ACSL4: variants seen among roughly 807,000 people sequenced by gnomAD.
ACSL4 encodes the protein acyl-CoA synthetase long chain family member 4.
Under a neutral mutation model 49.1 loss-of-function variants are expected in ACSL4, and 9 were observed. The ratio of observed to expected loss-of-function variants is 0.18; its 90% CI spans 0.11 to 0.32. The LOEUF (loss-of-function observed/expected upper bound fraction) is 0.32, where lower values mean the gene tolerates loss of function less well. Ranked by LOEUF, ACSL4 falls within the 10% of genes least tolerant of loss-of-function variation. ACSL4 has a pLI of 1.00. For missense variants in ACSL4, 333 were observed against 493.7 expected (o/e 0.67, Z 3.08); for synonymous variants, 191 against 170.3 (o/e 1.12, Z -0.95).
At chrX:109,712,811 C>G (rs1243869988) in intron 1 of ACSL4, among the ~76,000 whole-genome samples, 1 of 110,579 alleles carries the variant, frequency 9.0e-6, no homozygotes, top group Non-Finnish European at 1.9e-5. Context: ...CTTGTCTGTA[C>G]AAAAATTTGC....
At chrX:109,724,850 T>G (rs1927845729) in intron 1 of ACSL4, among the ~76,000 whole-genome samples, 1 of 110,168 alleles carries the variant, frequency 9.1e-6, no homozygotes, top group African/African-American at 3.3e-5. Flanking sequence ...AGACGGAGGT[T>G]GTAGTGAGCC....
intron 15 of ACSL4, among the ~76,000 whole-genome samples, chrX:109,657,961 A>G (rs1400880810): frequency 2.7e-5 from 3 of 111,619 alleles, no homozygotes; most frequent in Non-Finnish European, 5.6e-5. Flanking sequence ...CATTTCTCTG[A>G]TGGCCAGTGA....
At chrX:109,726,701 C>T (rs1214405424) in intron 1 of ACSL4, among the ~76,000 whole-genome samples, 2 of 111,082 alleles carry the variant, frequency 1.8e-5, no homozygotes, top group African/African-American at 6.5e-5. Flanking sequence ...TTTTTTGAGA[C>T]AGGGTCTCGC....
chrX:109,714,591 C>T (rs994048200), intron 1 of ACSL4, among the ~76,000 whole-genome samples: 4 of 111,579 alleles, frequency 3.6e-5, no homozygotes, highest in African/African-American at 1.3e-4. Flanking sequence ...ATAGCTGAAC[C>T]ATTTTATCAT....
At chrX:109,646,167 A>G (rs1401185370) in intron 15 of ACSL4, among the ~76,000 whole-genome samples, 2 of 111,184 alleles carry the variant, frequency 1.8e-5, no homozygotes, top group African/African-American at 6.6e-5. Flanking sequence ...GGAAATACAG[A>G]GAATGCCACA....
At chrX:109,707,145 C>T (rs1321373882) in intron 1 of ACSL4, among the ~76,000 whole-genome samples, 7 of 111,617 alleles carry the variant, frequency 6.3e-5, no homozygotes, top group African/African-American at 2.3e-4. Flanking sequence ...AAATATGGTC[C>T]GTTTAGACAA....
At chrX:109,656,803 A>G (rs1337398751) in intron 15 of ACSL4, among the ~76,000 whole-genome samples, 1 of 111,366 alleles carries the variant, frequency 9.0e-6, no homozygotes, top group Non-Finnish European at 1.9e-5. Context: ...AAAAGAAAAA[A>G]AAAAAGCCTA....
intron 15 of ACSL4, among the ~76,000 whole-genome samples, chrX:109,647,342 T>G (rs1934764613): frequency 8.9e-6 from 1 of 111,778 alleles, no homozygotes; most frequent in Non-Finnish European, 1.9e-5. Context: ...CACAGTGCAA[T>G]CAAACTAGAA....
intron 15 of ACSL4, among the ~76,000 whole-genome samples, chrX:109,646,789 G>C (rs1191895217): frequency 6.3e-5 from 7 of 110,343 alleles, no homozygotes; most frequent in Non-Finnish European, 1.3e-4. Context: ...CTCACGTGCA[G>C]AGACACACAT....
At chrX:109,729,899 G>A (rs1292152091) in intron 1 of ACSL4, among the ~76,000 whole-genome samples, 1 of 112,172 alleles carries the variant, frequency 8.9e-6, no homozygotes, top group Admixed American at 9.5e-5. Context: ...AAGCATTTTT[G>A]AAATGACAAA....
chrX:109,719,783 C>T (rs960347702), intron 1 of ACSL4, among the ~76,000 whole-genome samples: 2 of 109,415 alleles, frequency 1.8e-5, no homozygotes, highest in African/African-American at 3.3e-5. Flanking sequence ...GTCGGGAGTT[C>T]GGGAGTTCGA....
rs141844221 is a variant in ACSL4, at chrX:109,662,369, C to T, written c.1583-724G>A. On this transcript the variant is annotated intron_variant, in intron 13 of 15. Coordinates refer to ENST00000672401, the MANE Select transcript of ACSL4 (RefSeq NM_001318510.2). ...ATTGTTTCTCAACTGAACCATGGTT[C>T]CTGGTTCAAATTTCTAGATGAAGAA... Among the ~76,000 whole-genome samples, 783 of 111,084 alleles carry T rather than the reference C, an allele frequency of 7.0e-3. 9 individuals carry two copies. The highest frequency in any genetic ancestry group is 0.024 in the African/African-American group (732 of 30,557).
Position 109,662,451 on chromosome X carries a change from G to A in ACSL4, c.1582+760C>T, listed in dbSNP as rs188089868. Among the ~76,000 whole-genome samples the A allele has an allele frequency of 2.3e-3, 258 of 111,248 alleles. 3 individuals are homozygous for A. The highest frequency in any genetic ancestry group is 4.3e-3 in the Non-Finnish European group (225 of 52,908). On this transcript the variant is annotated intron_variant, in intron 13 of 15. Coordinates refer to ENST00000672401, the MANE Select transcript of ACSL4 (RefSeq NM_001318510.2). ...CAGGTCAGATATCGTGAGGTCCAGC[G>A]ATGGATTGAAATCAGTCACTACATA...
intron 1 of ACSL4, among the ~76,000 whole-genome samples, chrX:109,716,174 A>G (rs1177168802): frequency 1.8e-5 from 2 of 111,988 alleles, no homozygotes; most frequent in Non-Finnish European, 3.8e-5. Context: ...TTCAATTGAT[A>G]TTTTAAGTGG....
chrX:109,647,992 A>T (rs1463046145), intron 15 of ACSL4, among the ~76,000 whole-genome samples: 4 of 111,721 alleles, frequency 3.6e-5, no homozygotes, highest in Non-Finnish European at 7.5e-5. Context: ...TGAATCCCTG[A>T]ATAGACCAAT....
chrX:109,664,658 G>T (rs762731320), intron 12 of ACSL4, among the ~76,000 whole-genome samples: 2 of 111,904 alleles, frequency 1.8e-5, no homozygotes, highest in Non-Finnish European at 3.8e-5. Flanking sequence ...TTTTCTCAGG[G>T]TTTGGACAAC....
intron 1 of ACSL4, among the ~76,000 whole-genome samples, chrX:109,700,899 C>T (rs1465719948): frequency 2.8e-5 from 3 of 108,834 alleles, no homozygotes; most frequent in Admixed American, 9.8e-5. Flanking sequence ...AAAAATTAGC[C>T]AGGTGTGGTG....
At chrX:109,714,047 T>G (rs965051384) in intron 1 of ACSL4, among the ~76,000 whole-genome samples, 1 of 112,098 alleles carries the variant, frequency 8.9e-6, no homozygotes, top group Non-Finnish European at 1.9e-5. Context: ...AGATGACAAC[T>G]GCATGCATGT....
At chrX:109,724,239 G>A (rs1927786465) in intron 1 of ACSL4, among the ~76,000 whole-genome samples, 1 of 111,283 alleles carries the variant, frequency 9.0e-6, no homozygotes, top group Non-Finnish European at 1.9e-5. Context: ...TTGTGTGTGT[G>A]TGGTTTTGGT....
Sources: gnomAD v4.1 joint callset for allele counts (sites outside exome capture counted in the v4.1 genomes callset) on GRCh38, gnomAD v4.1.1 for gene constraint, MANE v1.5 for transcripts, NCBI Gene and HGNC (gene_info 2026-07-23, HGNC 2026-07-21) for gene names.